Variants in MINAR2 observed in about 807,000 individuals in gnomAD.
MINAR2 encodes the protein membrane integral NOTCH2 associated receptor 2.
Under a neutral mutation model 16.1 loss-of-function variants are expected in MINAR2, and 21 were observed. The ratio of observed to expected loss-of-function variants is 1.31; its 90% CI spans 0.93 to 1.88. The LOEUF (loss-of-function observed/expected upper bound fraction) is 1.88, where lower values mean the gene tolerates loss of function less well. MINAR2 is among the 40% of genes most tolerant of loss of function. The pLI, the probability that MINAR2 is intolerant of heterozygous loss-of-function variation, is 0.00. For missense variants in MINAR2, 259 were observed against 229.8 expected, an observed-to-expected ratio of 1.13 and a Z score of -0.82; for synonymous variants, 86 against 83.0, an observed-to-expected ratio of 1.04 and a Z score of -0.20.
At chr5:129,750,959 A>C (rs1435534944) in intron 1 of MINAR2, among the ~76,000 whole-genome samples, 1 of 152,198 alleles carries the variant, frequency 6.6e-6, no homozygotes, top group East Asian at 1.9e-4. Context: ...ACACAAGTGC[A>C]TGGTGTTTAG....
At position 129,760,421 on chromosome 5, in the gene MINAR2, G is replaced by C; in HGVS notation, c.209G>C (p.Ser70Thr). 2.0e-6 allele frequency: 3 copies of C among 1,535,694 alleles called. No individual in the cohort carries two copies. Among genetic ancestry groups the C allele is most frequent in the Non-Finnish European group, 2.6e-6 (3 of 1,146,566 alleles). ...GCTGCTCAACGAATTAGGGGATCCA[G>C]TGCAGACAGCCTTGTCACTGCTGAT... ...NIAAQRIRGS[S>T]ADSLVTADSP... Residue 70 changes from serine to threonine, a missense_variant, in exon 2 of 3, where the codon AGT (serine) becomes ACT (threonine). Ser to Thr is a moderately conservative substitution (Grantham distance 58, BLOSUM62 1). Transcript: ENST00000564719.
rs1347607443 is a variant in MINAR2, at chr5:129,765,345, C to A, written c.*282C>A. The A allele has an allele frequency of 3.5e-6, 1 of 289,144 alleles. No individual in the cohort carries two copies. The highest frequency in any genetic ancestry group is 6.3e-6 in the Non-Finnish European group (1 of 157,848). 17.9% of individuals were successfully genotyped at this position (289,144 alleles called of 1,614,324 possible). On this transcript the variant is annotated 3_prime_UTR_variant, in exon 3 of 3. Transcript: ENST00000564719. ...TCACAGAATAGTCACTATATGCAAC[C>A]CACATTAAATATCTTTATAGGGAGC...
intron 1 of MINAR2, among the ~76,000 whole-genome samples, chr5:129,749,644 T>C (rs1045542091): frequency 1.3e-5 from 2 of 152,164 alleles, no homozygotes; most frequent in Non-Finnish European, 2.9e-5. Context: ...TATCACAGAA[T>C]AAAATGATTC....
At chr5:129,762,840 CT>C (rs2149547046) in intron 2 of MINAR2, among the ~76,000 whole-genome samples, 1 of 152,200 alleles carries the variant, frequency 6.6e-6, no homozygotes, top group African/African-American at 2.4e-5. Context: ...AAAAAATAAA[CT>C]TATGGGCTTG....
intron 1 of MINAR2, among the ~76,000 whole-genome samples, chr5:129,751,604 CAG>C (rs1482542766): frequency 5.3e-5 from 8 of 152,246 alleles, no homozygotes; most frequent in East Asian, 1.9e-4. Context: ...CCCATATTTG[CAG>C]AGAGTATACA....
At chr5:129,763,937 T>C (rs1201720899) in intron 2 of MINAR2, among the ~76,000 whole-genome samples, 1 of 152,154 alleles carries the variant, frequency 6.6e-6, no homozygotes, top group Non-Finnish European at 1.5e-5. Flanking sequence ...GGCAGTCCAC[T>C]GTAAGCCATT....
chr5:129,750,889 T>C (rs1757977536), intron 1 of MINAR2, among the ~76,000 whole-genome samples: 1 of 151,020 alleles, frequency 6.6e-6, no homozygotes, highest in African/African-American at 2.4e-5. Flanking sequence ...GTAGATATAA[T>C]ACCACATGAA....
chr5:129,764,858 A>G (rs1758188163), intron 2 of MINAR2, 26 bp from the exon 3 acceptor site: 1 of 1,241,464 alleles, frequency 8.1e-7, no homozygotes, highest in Non-Finnish European at 1.0e-6. Flanking sequence ...CTGATTAATC[A>G]TATTCTCTAT....
chr5:129,759,360 G>T (rs183784194), intron 1 of MINAR2, among the ~76,000 whole-genome samples: 16 of 152,154 alleles, frequency 1.1e-4, no homozygotes, highest in African/African-American at 3.6e-4. Flanking sequence ...GATGTCCCAT[G>T]ACAAATGAAA....
At chr5:129,760,135 A>T (rs181965480) in intron 1 of MINAR2, among the ~76,000 whole-genome samples, 9 of 152,308 alleles carry the variant, frequency 5.9e-5, no homozygotes, top group Admixed American at 1.3e-4. Flanking sequence ...CTTTCTCTGT[A>T]GTTATAAAAT....
chr5:129,763,928 G>A (rs998156371), intron 2 of MINAR2, among the ~76,000 whole-genome samples: 1 of 152,104 alleles, frequency 6.6e-6, no homozygotes, highest in Non-Finnish European at 1.5e-5. Context: ...GAGAGGGTAG[G>A]CAGTCCACTG....
chr5:129,753,620 G>A (rs771798283), intron 1 of MINAR2, among the ~76,000 whole-genome samples: 1 of 151,918 alleles, frequency 6.6e-6, no homozygotes, highest in African/African-American at 2.4e-5. Flanking sequence ...GGACTTGCTG[G>A]CGCGCACCTG....
At chr5:129,756,697 T>A (rs1291186664) in intron 1 of MINAR2, among the ~76,000 whole-genome samples, 4 of 152,094 alleles carry the variant, frequency 2.6e-5, no homozygotes, top group Admixed American at 2.6e-4. Flanking sequence ...TTTCTCTGTG[T>A]AATTATTTTA....
chr5:129,757,747 T>C (rs1239249255), intron 1 of MINAR2, among the ~76,000 whole-genome samples: 1 of 151,998 alleles, frequency 6.6e-6, no homozygotes, highest in East Asian at 1.9e-4. Context: ...TTAAACTTAC[T>C]ATACTCCAGT....
intron 1 of MINAR2, among the ~76,000 whole-genome samples, chr5:129,754,326 AG>A (rs1758028718): frequency 6.6e-6 from 1 of 152,186 alleles, no homozygotes; most frequent in Non-Finnish European, 1.5e-5. Context: ...TATGTGCTTT[AG>A]AAAGCTTTCC....
rs561859128 is a variant in MINAR2, at chr5:129,756,247, A to G, written c.166-4131A>G. Among the ~76,000 whole-genome samples the G allele has an allele frequency of 3.9e-5, 6 of 152,238 alleles. No homozygotes were observed. In the East Asian group the frequency reaches 1.2e-3, roughly 29 times the overall value. On this transcript the variant is annotated intron_variant, in intron 1 of 2. Coordinates refer to ENST00000564719, the MANE Select transcript of MINAR2 (RefSeq NM_001257308.2). ...ATTTTCAGTATATATTTTTAAAATA[A>G]GTATTTTCAATTGTTTAATAAAGAC...
chr5:129,765,239 T>G lies in MINAR2; in HGVS notation c.*176T>G, dbSNP rs1434843675. ...AATGTGAATGTCAGGCGTGGTATGC[T>G]GGCTTCTCCACTTTGTTCTATAAAA... On this transcript the variant is annotated 3_prime_UTR_variant, in exon 3 of 3. Coordinates refer to ENST00000564719, the MANE Select transcript of MINAR2 (RefSeq NM_001257308.2). 1 of 412,958 alleles carries G rather than the reference T, an allele frequency of 2.4e-6. No homozygotes were observed. Among genetic ancestry groups the G allele is most frequent in the Non-Finnish European group, 4.1e-6 (1 of 241,202 alleles). 25.6% of individuals were successfully genotyped at this position (412,958 alleles called of 1,614,324 possible).
At chr5:129,757,515 T>C (rs1407032456) in intron 1 of MINAR2, among the ~76,000 whole-genome samples, 2 of 152,138 alleles carry the variant, frequency 1.3e-5, no homozygotes, top group South Asian at 4.1e-4. Context: ...ATAGGGAGTT[T>C]ATTCCATCTA....
intron 1 of MINAR2, among the ~76,000 whole-genome samples, chr5:129,749,628 T>C (rs1757962749): frequency 6.6e-6 from 1 of 152,166 alleles, no homozygotes; most frequent in African/African-American, 2.4e-5. Context: ...TCCTCCTTAT[T>C]GTTTATATCA....
Sources: gnomAD v4.1 joint callset for allele counts (sites outside exome capture counted in the v4.1 genomes callset) on GRCh38, gnomAD v4.1.1 for gene constraint, MANE v1.5 for transcripts, NCBI Gene and HGNC (gene_info 2026-07-23, HGNC 2026-07-21) for gene names.